CHST11: variants seen among roughly 807,000 people sequenced by gnomAD.
CHST11 encodes C4S-1.
CHST11 carries 9 observed loss-of-function variants against 30.4 expected under a neutral mutation model. That is an observed-to-expected ratio of 0.30 (90% CI 0.18 to 0.52). The LOEUF (loss-of-function observed/expected upper bound fraction) is 0.52. Ranked by LOEUF, CHST11 falls within the 20% of genes least tolerant of loss-of-function variation. The pLI is 0.97. For missense variants in CHST11, 348 were observed against 460.6 expected, an observed-to-expected ratio of 0.76 and a Z score of 2.24; for synonymous variants, 152 against 187.8, an observed-to-expected ratio of 0.81 and a Z score of 1.56.
chr12:104,681,553 G>A (rs566744386), intron 2 of CHST11, among the ~76,000 whole-genome samples: 1 of 152,250 alleles, frequency 6.6e-6, no homozygotes, highest in African/African-American at 2.4e-5. Flanking sequence ...TTAAATGGAT[G>A]AATTTTATGG....
chr12:104,756,211 G>A (rs1223157364), intron 2 of CHST11, among the ~76,000 whole-genome samples: 2 of 152,206 alleles, frequency 1.3e-5, no homozygotes, highest in East Asian at 1.9e-4. Flanking sequence ...ACAGTAGGGT[G>A]CCACCACTCC....
intron 1 of CHST11, among the ~76,000 whole-genome samples, chr12:104,477,857 C>T (rs957740537): frequency 2.6e-5 from 4 of 152,222 alleles, no homozygotes; most frequent in Non-Finnish European, 5.9e-5. Context: ...GTTGGAAAGA[C>T]ACAATGATAG....
Position 104,586,090 on chromosome 12 carries a change from G to A in CHST11, c.119-15816G>A, listed in dbSNP as rs550401613. Among the ~76,000 whole-genome samples, 137 of 152,246 alleles carry A rather than the reference G, an allele frequency of 9.0e-4. 1 individual carries two copies. The highest frequency in any genetic ancestry group is 2.8e-3 in the African/African-American group (116 of 41,524). ...GACACTGTGCAATCCACTATATCAC[G>A]GTCATAGCACGTCACAGTGGATTGT... is the stretch of plus-strand genomic sequence containing the variant. On this transcript the variant is annotated intron_variant, in intron 1 of 2. Coordinates refer to ENST00000303694, the MANE Select transcript of CHST11 (RefSeq NM_018413.6).
At chr12:104,510,971 T>C (rs1198070413) in intron 1 of CHST11, among the ~76,000 whole-genome samples, 1 of 152,202 alleles carries the variant, frequency 6.6e-6, no homozygotes, top group Non-Finnish European at 1.5e-5. Context: ...GAACTTTAAA[T>C]ATGTATATTT....
intron 2 of CHST11, among the ~76,000 whole-genome samples, chr12:104,620,163 C>T (rs1433752816): frequency 6.6e-6 from 1 of 152,220 alleles, no homozygotes; most frequent in African/African-American, 2.4e-5. Flanking sequence ...TGTCACCACA[C>T]AGAATGGCTC....
At chr12:104,585,925 C>T (rs941433479) in intron 1 of CHST11, among the ~76,000 whole-genome samples, 1 of 152,182 alleles carries the variant, frequency 6.6e-6, no homozygotes, top group Non-Finnish European at 1.5e-5. Flanking sequence ...GCCCTCTTCC[C>T]TGTGTGTGTC....
At chr12:104,501,711 A>G (rs954897949) in intron 1 of CHST11, among the ~76,000 whole-genome samples, 4 of 152,238 alleles carry the variant, frequency 2.6e-5, no homozygotes, top group Admixed American at 1.3e-4. Flanking sequence ...CTCATGAGTT[A>G]TGGTCTGCAA....
At chr12:104,586,130 G>A (rs747253396) in intron 1 of CHST11, among the ~76,000 whole-genome samples, 1 of 152,104 alleles carries the variant, frequency 6.6e-6, no homozygotes, top group South Asian at 2.1e-4. Context: ...TGCAATCCAT[G>A]GTTGCAGGTC....
chr12:104,548,372 T>C (rs1467440569), intron 1 of CHST11, among the ~76,000 whole-genome samples: 1 of 152,200 alleles, frequency 6.6e-6, no homozygotes, highest in South Asian at 2.1e-4. Context: ...ATTCCTATCA[T>C]GGCTGATTTC....
At chr12:104,660,016 C>A (rs835482) in intron 2 of CHST11, among the ~76,000 whole-genome samples, 8 of 152,142 alleles carry the variant, frequency 5.3e-5, no homozygotes, top group African/African-American at 1.9e-4. Context: ...TCTTTTACTT[C>A]TTAAAATTGT....
chr12:104,537,115 T>C (rs925555259), intron 1 of CHST11, among the ~76,000 whole-genome samples: 9 of 152,250 alleles, frequency 5.9e-5, no homozygotes, highest in African/African-American at 1.9e-4. Context: ...AAGGGGTAGT[T>C]GCTGAAAATA....
intron 2 of CHST11, among the ~76,000 whole-genome samples, chr12:104,752,968 C>A (rs1030217370): frequency 4.6e-5 from 7 of 152,140 alleles, no homozygotes; most frequent in Non-Finnish European, 1.0e-4. Context: ...TTGCAAGCAC[C>A]GGGGATATCG....
intron 1 of CHST11, among the ~76,000 whole-genome samples, chr12:104,556,608 C>G (rs768991232): frequency 6.6e-6 from 1 of 152,138 alleles, no homozygotes; most frequent in Admixed American, 6.5e-5. Context: ...GGCTCTGCCT[C>G]TATCCTCACC....
intron 1 of CHST11, among the ~76,000 whole-genome samples, chr12:104,563,165 C>T (rs368998661): frequency 2.1e-4 from 32 of 152,222 alleles, no homozygotes; most frequent in African/African-American, 6.7e-4. Context: ...CTCAGCCTCC[C>T]GAGTAGCTGG....
At chr12:104,716,634 T>C (rs2029737) in intron 2 of CHST11, among the ~76,000 whole-genome samples, 92,531 of 152,106 alleles carry the variant, frequency 0.61, 29,258 homozygotes, top group East Asian at 0.79. Flanking sequence ...TCAGGAAATA[T>C]TTGCTGAATA....
At chr12:104,469,680 A>G (rs1005686790) in intron 1 of CHST11, among the ~76,000 whole-genome samples, 1 of 152,156 alleles carries the variant, frequency 6.6e-6, no homozygotes, top group Non-Finnish European at 1.5e-5. Flanking sequence ...TGCAGGTGTC[A>G]TGGAGCTTGC....
At chr12:104,550,219 T>G (rs1284986925) in intron 1 of CHST11, among the ~76,000 whole-genome samples, 1 of 152,186 alleles carries the variant, frequency 6.6e-6, no homozygotes, top group Non-Finnish European at 1.5e-5. Flanking sequence ...GGTTCTTTGT[T>G]GTCTGATAGT....
intron 1 of CHST11, among the ~76,000 whole-genome samples, chr12:104,497,909 CTTTTTTTTTT>C (rs1205174607): frequency 4.0e-4 from 30 of 75,708 alleles, no homozygotes; most frequent in African/African-American, 1.7e-3. Context: ...CCTGCCCCCT[CTTTTTTTTTT>C]TTTTTTTTTT....
chr12:104,749,364 G>A (rs2040412833), intron 2 of CHST11, among the ~76,000 whole-genome samples: 1 of 152,102 alleles, frequency 6.6e-6, no homozygotes, highest in African/African-American at 2.4e-5. Context: ...ACAGCCAATT[G>A]AGATTCTAAA....
Sources: gnomAD v4.1 joint callset for allele counts (sites outside exome capture counted in the v4.1 genomes callset) on GRCh38, gnomAD v4.1.1 for gene constraint, MANE v1.5 for transcripts, NCBI Gene and HGNC (gene_info 2026-07-23, HGNC 2026-07-21) for gene names.